ANXA6: variants seen among roughly 807,000 people sequenced by gnomAD.
ANXA6 encodes 67 kDa calelectrin.
A neutral mutation model predicts 95.4 loss-of-function variants in ANXA6; 71 were observed. The ratio of observed to expected loss-of-function variants is 0.74; its 90% CI spans 0.61 to 0.91. The LOEUF (loss-of-function observed/expected upper bound fraction) is 0.91, where lower values mean the gene tolerates loss of function less well. ANXA6 is among the 40% of genes least tolerant of loss of function. The pLI is 0.00. For missense variants in ANXA6, 830 were observed against 876.4 expected (o/e 0.95, Z 0.67); for synonymous variants, 289 against 315.9 (o/e 0.91, Z 0.90).
intron 16 of ANXA6, 125 bp downstream of exon 16, chr5:151,122,792 C>T: frequency 2.6e-6 from 2 of 778,034 alleles, no homozygotes; most frequent in Non-Finnish European, 4.3e-6. Context: ...GATCATATGA[C>T]CACACAGGGT....
chr5:151,129,576 G>C, intron 11 of ANXA6, 47 bp from the exon 12 acceptor site: 2 of 1,555,708 alleles, frequency 1.3e-6, no homozygotes, highest in Non-Finnish European at 1.7e-6. Context: ...GAGGAGGCTA[G>C]AGTGCTGATA....
chr5:151,125,922 T>C (rs1313419449), intron 14 of ANXA6, among the ~76,000 whole-genome samples: 1 of 152,190 alleles, frequency 6.6e-6, no homozygotes, highest in Non-Finnish European at 1.5e-5. Context: ...CAAGGTCCCA[T>C]GCTTTTTTGT....
intron 12 of ANXA6, among the ~76,000 whole-genome samples, chr5:151,128,946 C>CAA (rs372400204): frequency 0.019 from 2,418 of 127,696 alleles, 79 homozygotes; most frequent in African/African-American, 0.057. Context: ...TTCAGTCATC[C>CAA]AAAAAAAAAA....
intron 1 of ANXA6, among the ~76,000 whole-genome samples, chr5:151,153,016 C>T (rs1766144635): frequency 1.3e-5 from 2 of 152,110 alleles, no homozygotes; most frequent in South Asian, 4.2e-4. Context: ...ACCTCTGCCT[C>T]AGGGGAGTGC....
chr5:151,138,572 CAT>C, intron 5 of ANXA6, 104 bp downstream of exon 5: 3 of 732,138 alleles, frequency 4.1e-6, no homozygotes. Flanking sequence ...AAGCAGGACA[CAT>C]GTGCTGGGTG....
At chr5:151,119,481 G>T in intron 17 of ANXA6, 91 bp from the exon 18 acceptor site, 1 of 1,121,296 alleles carries the variant, frequency 8.9e-7, no homozygotes, top group Non-Finnish European at 1.3e-6. Context: ...CTCAGGCCAA[G>T]CATTCCTGGA....
chr5:151,124,800 T>G (rs1382239108), intron 14 of ANXA6, among the ~76,000 whole-genome samples: 1 of 152,232 alleles, frequency 6.6e-6, no homozygotes, highest in African/African-American at 2.4e-5. Context: ...AGAAAAGTTC[T>G]GAAATACCAG....
chr5:151,144,115 C>G (rs1229320203), intron 2 of ANXA6, among the ~76,000 whole-genome samples: 4 of 152,164 alleles, frequency 2.6e-5, no homozygotes, highest in Non-Finnish European at 5.9e-5. Context: ...GTAAGGGCAG[C>G]TCTAGCCCTG....
chr5:151,131,433 C>T, intron 10 of ANXA6, 144 bp from the exon 11 acceptor site: 1 of 777,558 alleles, frequency 1.3e-6, no homozygotes, highest in Non-Finnish European at 2.2e-6. Context: ...CTCACAGCCC[C>T]AGATCACCCC....
intron 17 of ANXA6, 68 bp from the exon 18 acceptor site, chr5:151,119,458 C>T (rs1346239700): frequency 3.5e-5 from 48 of 1,388,916 alleles, no homozygotes; most frequent in East Asian, 9.2e-5. Context: ...CCATGGGGCC[C>T]GGACGGCTAA....
intron 17 of ANXA6, 129 bp from the exon 18 acceptor site, chr5:151,119,519 T>C (rs2303023): frequency 0.76 from 555,198 of 730,594 alleles, 213,408 homozygotes; most frequent in East Asian, 0.93. Context: ...GACATGGCCC[T>C]CAGGCCCAAG....
chr5:151,119,451 T>C lies in ANXA6; in HGVS notation c.1348-61A>G, dbSNP rs968550834. On this transcript the variant is annotated intron_variant, in intron 17 of 25. Transcript: ENST00000354546. ...TTCTGACCTCCTGTGCAGAGGTCCA[T>C]GGGGCCCGGACGGCTAAAGCTCAGG... 100 of 1,445,530 alleles carry C rather than the reference T, an allele frequency of 6.9e-5. 1 individual carries two copies. In the East Asian group the frequency reaches 2.0e-3, roughly 29 times the overall value. 89.5% of individuals were successfully genotyped at this position (1,445,530 alleles called of 1,614,324 possible).
At chr5:151,110,498 C>T in intron 21 of ANXA6, 129 bp downstream of exon 21, 2 of 1,008,860 alleles carry the variant, frequency 2.0e-6, no homozygotes, top group Middle Eastern at 2.1e-4. Flanking sequence ...CAAGCAGGGC[C>T]CGGAAGGGGA....
intron 2 of ANXA6, 58 bp downstream of exon 2, chr5:151,147,826 G>T: frequency 1.3e-6 from 2 of 1,563,736 alleles, no homozygotes; most frequent in Non-Finnish European, 1.7e-6. Flanking sequence ...GTGGCTCCAG[G>T]AGGATCCCAG....
intron 21 of ANXA6, 96 bp from the exon 22 acceptor site, chr5:151,109,942 G>A: frequency 1.1e-6 from 1 of 944,404 alleles, no homozygotes. Flanking sequence ...GCTGAGGGCA[G>A]TCAGAAGCTG....
intron 24 of ANXA6, 103 bp from the exon 25 acceptor site, chr5:151,103,795 C>T (rs1561562810): frequency 1.5e-6 from 2 of 1,348,344 alleles, no homozygotes; most frequent in Non-Finnish European, 2.0e-6. Flanking sequence ...TTGTTCCTTC[C>T]AAAAACAGGG....
rs753900597 is a variant in ANXA6 at position 151,137,347 on chromosome 5, A to G, written c.319-26T>C. 7 of 1,594,770 alleles carry G rather than the reference A, an allele frequency of 4.4e-6. No homozygotes were observed. In the East Asian group the frequency reaches 1.6e-4, roughly 36 times the overall value. On this transcript the variant is annotated intron_variant, in intron 5 of 25. Transcript: ENST00000354546. Reference sequence around the variant, plus strand: ...CTGGGGGTAGAAAAAGAGCGCATGAATTAAGGGCAGGGATGGGAGGTCACT... The same window carrying G: ...CTGGGGGTAGAAAAAGAGCGCATGAGTTAAGGGCAGGGATGGGAGGTCACT...
At position 151,136,338 on chromosome 5, in the gene ANXA6, G is replaced by A; in HGVS notation, c.410-3C>T. 6.2e-7 allele frequency: 1 copy of A among 1,613,768 alleles called. No homozygotes were observed. The highest frequency in any genetic ancestry group is 8.5e-7 in the Non-Finnish European group (1 of 1,179,726). On this transcript the variant is annotated splice_region_variant and splice_polypyrimidine_tract_variant and intron_variant, in intron 6 of 25. Transcript: ENST00000354546. ...AGCCTCCAGGTCCCGCTCGTAGGCT[G>A]CAGAAAGGAACGCAAGCTCTAGTCT...
At chr5:151,131,852 T>C (rs1765523119) in intron 10 of ANXA6, among the ~76,000 whole-genome samples, 1 of 152,052 alleles carries the variant, frequency 6.6e-6, no homozygotes, top group Admixed American at 6.5e-5. Context: ...GGGAGGCAAT[T>C]AAGGCAGTCC....
Sources: allele counts gnomAD v4.1 joint callset (sites outside exome capture counted in the v4.1 genomes callset), GRCh38; gene constraint gnomAD v4.1.1; transcripts MANE v1.5; gene names NCBI Gene and HGNC (gene_info 2026-07-23, HGNC 2026-07-21).